Variants in MACF1 observed in about 807,000 individuals in gnomAD.
The protein encoded by MACF1 is microtubule-actin cross-linking factor 1.
MACF1 carries 193 observed loss-of-function variants against 854.8 expected under a neutral mutation model. The observed-to-expected ratio is 0.23, with a 90% CI of 0.20 to 0.25. The LOEUF (loss-of-function observed/expected upper bound fraction) is 0.25, where lower values mean the gene tolerates loss of function less well. MACF1 is among the 10% of genes least tolerant of loss of function. The pLI is 1.00. For missense variants in MACF1, 7,722 were observed against 8,929.1 expected, an observed-to-expected ratio of 0.86 and a Z score of 5.45; for synonymous variants, 3,185 against 3,226.7, an observed-to-expected ratio of 0.99 and a Z score of 0.44.
intron 26 of MACF1, among the ~76,000 whole-genome samples, chr1:39,311,585 A>C (rs1646301668): frequency 6.6e-6 from 1 of 152,230 alleles, no homozygotes; most frequent in Admixed American, 6.5e-5. Context: ...TCTTGAAGTA[A>C]AAGTAGCAAA....
chr1:39,152,993 A>G (rs1427562926), intron 2 of MACF1, among the ~76,000 whole-genome samples: 1 of 152,196 alleles, frequency 6.6e-6, no homozygotes, highest in African/African-American at 2.4e-5. Flanking sequence ...TAGTTCTCCT[A>G]AGCAGGCACT....
chr1:39,442,974 C>A, intron 78 of MACF1, 63 bp downstream of exon 78: 2 of 1,486,332 alleles, frequency 1.3e-6, no homozygotes, highest in South Asian at 2.4e-5. Context: ...CTATCTAAGT[C>A]AGAGAGAAGA....
chr1:39,337,935 A>G (rs1259749246), intron 38 of MACF1, among the ~76,000 whole-genome samples: 1 of 152,020 alleles, frequency 6.6e-6, no homozygotes, highest in Non-Finnish European at 1.5e-5. Flanking sequence ...ACGCCCAGCT[A>G]ATTTTTTGTA....
Position 39,451,945 on chromosome 1 carries a change from C to T in MACF1, c.20419-211C>T, listed in dbSNP as rs113184444. ...CTGGTCTTGAACTCCTGGGCTCAAG[C>T]AGTCCTCTCATCTCGGCTTCCCAAA... On this transcript the variant is annotated intron_variant, in intron 85 of 100. Transcript: ENST00000564288. Among the ~76,000 whole-genome samples the T allele has an allele frequency of 4.0e-3, 612 of 152,192 alleles. 5 individuals are homozygous for T. The highest frequency in any genetic ancestry group is 0.014 in the African/African-American group (579 of 41,514).
chr1:39,414,089 C>T, intron 58 of MACF1: 1 of 1,606,446 alleles, frequency 6.2e-7, no homozygotes, highest in Non-Finnish European at 8.5e-7. Context: ...GCTTCAGTGC[C>T]CACCCCCGAG....
intron 2 of MACF1, among the ~76,000 whole-genome samples, chr1:39,138,069 T>C (rs1643228464): frequency 2.1e-5 from 2 of 93,584 alleles, no homozygotes; most frequent in Admixed American, 2.8e-4. Flanking sequence ...CGAGACTCCA[T>C]CTCAAAAAAA....
chr1:39,425,765 GC>G (rs1312579674), intron 61 of MACF1, among the ~76,000 whole-genome samples: 1 of 151,900 alleles, frequency 6.6e-6, no homozygotes, highest in Non-Finnish European at 1.5e-5. Context: ...AATTTTTCCT[GC>G]CTCTTCACTG....
At chr1:39,284,961 G>A (rs1346213095) in intron 11 of MACF1, 122 bp from the exon 12 acceptor site, 2 of 1,318,248 alleles carry the variant, frequency 1.5e-6, no homozygotes, top group East Asian at 2.3e-5. Flanking sequence ...TTCCATGTTA[G>A]ACAATAGGAA....
intron 55 of MACF1, among the ~76,000 whole-genome samples, chr1:39,381,381 G>GA (rs910744882): frequency 7.1e-6 from 1 of 141,194 alleles, no homozygotes; most frequent in Non-Finnish European, 1.5e-5. Context: ...TTTTTTTTGG[G>GA]GGGGGGGACA....
At position 39,480,979 on chromosome 1, in the gene MACF1, C is replaced by T; in HGVS notation, c.22230C>T (p.Gly7410=). 1 of 1,550,768 alleles carries T rather than the reference C, an allele frequency of 6.4e-7. No individual in the cohort carries two copies. The change falls in exon 99 of 101, where the codon GGC becomes GGT. Residue 7410 remains glycine (G), a synonymous_variant. Transcript: ENST00000564288. Reference sequence around the variant, plus strand: ...CCTGGTTGGTAAACAGTAAAGCTGGCACCCCTATCAGGGACAGCCATTCTC... The same window carrying T: ...CCTGGTTGGTAAACAGTAAAGCTGGTACCCCTATCAGGGACAGCCATTCTC... The part of the protein sequence containing the change: ...DKPWLVNSKA[G]TPIRDSHSPD...
At chr1:39,296,823 G>GAAGGAAAAGAAAGAAAAGA (rs1645925389) in intron 20 of MACF1, among the ~76,000 whole-genome samples, 1 of 116,566 alleles carries the variant, frequency 8.6e-6, no homozygotes, top group African/African-American at 5.8e-5. Context: ...AGGAAGGAAG[G>GAAGGAAAAGAAAGAAAAGA]AAGGAAGGAA....
intron 6 of MACF1, among the ~76,000 whole-genome samples, chr1:39,265,874 A>G (rs1645224911): frequency 6.6e-6 from 1 of 152,226 alleles, no homozygotes; most frequent in South Asian, 2.1e-4. Context: ...TGAGCCAAGT[A>G]CTTTATGGAC....
In MACF1 at chr1:39,353,096, G is replaced by T. The variant is rs1197089466; in HGVS notation, c.11289G>T (p.Gln3763His). ...WVTSVGSSGG[Q>H]LLTNLPGMEQ... ...CTTCAGTAGGATCATCTGGTGGACA[G>T]CTGCTGACCAACCTTCCAGGAATGG... Residue 3763 changes from glutamine (Q) to histidine (H), a missense_variant, in exon 44 of 101, where the codon CAG becomes CAT. Transcript: ENST00000564288. 6 of 1,614,062 alleles carry T rather than the reference G, an allele frequency of 3.7e-6. No homozygotes were observed. In the African/African-American group the frequency reaches 8.0e-5, roughly 22 times the overall value.
rs541199810 is a variant in MACF1 at position 39,162,927 on chromosome 1, T to C, written c.221-68255T>C. Among the ~76,000 whole-genome samples, 3 of 152,312 alleles carry C rather than the reference T, an allele frequency of 2.0e-5. No homozygotes were observed. The East Asian group carries it at 5.8e-4, about 29-fold the overall frequency. ...AATTGAATTGAACTAAACTCATATA[T>C]TTAAATGTCCTTCAGTAGTCACCAT... On this transcript the variant is annotated intron_variant, in intron 2 of 93. Transcript: ENST00000361689.
At chr1:39,116,386 A>ATG (rs59572260) in intron 2 of MACF1, among the ~76,000 whole-genome samples, 33,889 of 150,248 alleles carry the variant, frequency 0.23, 3,811 homozygotes, top group East Asian at 0.27. Context: ...GTGAGTGTGT[A>ATG]TGTGTGTGTG....
chr1:39,435,709 A>G lies in MACF1; in HGVS notation c.17936A>G (p.Glu5979Gly). 6.8e-6 allele frequency: 11 copies of G among 1,614,172 alleles called. No homozygotes were observed. Among genetic ancestry groups the G allele is most frequent in the Non-Finnish European group, 9.3e-6 (11 of 1,180,024 alleles). ...AACATGTATGCCCAAATAAAGGAGGAGGTGCGCCAGCGAGCCCTGGCTCTG... is the reference window on the plus strand; with the variant it reads ...AACATGTATGCCCAAATAAAGGAGGGGGTGCGCCAGCGAGCCCTGGCTCTG... ...AENMYAQIKE[E>G]VRQRALALDE... Residue 5979 changes from glutamate (E) to glycine (G), a missense_variant, in exon 70 of 101, where the codon GAG becomes GGG. Transcript: ENST00000564288.
intron 2 of MACF1, among the ~76,000 whole-genome samples, chr1:39,175,223 A>G (rs1644007925): frequency 6.6e-6 from 1 of 152,214 alleles, no homozygotes; most frequent in African/African-American, 2.4e-5. Flanking sequence ...CAAATAATCA[A>G]AATTATCATG....
intron 64 of MACF1, 26 bp from the exon 65 acceptor site, chr1:39,429,801 G>T: frequency 6.2e-7 from 1 of 1,611,480 alleles, no homozygotes; most frequent in South Asian, 1.1e-5. Context: ...TCTTAAATAT[G>T]AGTAATTGTG....
intron 35 of MACF1, 151 bp from the exon 36 acceptor site, chr1:39,327,067 C>A: frequency 1.4e-6 from 1 of 700,084 alleles, no homozygotes; most frequent in Non-Finnish European, 2.3e-6. Context: ...TTGAGATAAA[C>A]AGAAGAACTG....
Sources: allele counts gnomAD v4.1 joint callset (sites outside exome capture counted in the v4.1 genomes callset), GRCh38; gene constraint gnomAD v4.1.1; transcripts MANE v1.5; gene names NCBI Gene and HGNC (gene_info 2026-07-23, HGNC 2026-07-21).